DNHD1: variants seen among roughly 807,000 people sequenced by gnomAD.
The protein encoded by DNHD1 is dynein heavy chain domain 1, also known as dynein heavy chain domain-containing protein 1.
A neutral mutation model predicts 458.1 loss-of-function variants in DNHD1; 383 were observed. That is an observed-to-expected ratio of 0.84 (90% CI 0.77 to 0.91). The LOEUF is 0.91. Among genes scored for constraint, DNHD1 ranks in the 40% least tolerant of loss-of-function variants. The pLI, the probability that DNHD1 is intolerant of heterozygous loss-of-function variation, is 0.00. For synonymous variants in DNHD1, 2,203 were observed against 2,376.9 expected, an observed-to-expected ratio of 0.93 and a Z score of 2.13; for missense variants, 5,336 against 5,866.1, an observed-to-expected ratio of 0.91 and a Z score of 2.95.
At position 6,528,760 on chromosome 11, in the gene DNHD1, A is replaced by T; in HGVS notation, c.2076A>T (p.Ala692=). 1 of 1,551,738 alleles carries T rather than the reference A, an allele frequency of 6.4e-7. No individual in the cohort carries two copies. The highest frequency in any genetic ancestry group is 2.4e-5 in the East Asian group (1 of 40,920). Residue 692 remains alanine (A), a synonymous_variant, in exon 11 of 43, where the codon GCA becomes GCT. Transcript: ENST00000254579. ...DLDNNPKIQQ[A]LNIQQVLLEG... is the part of the protein sequence containing the mutation. ...ACAACAACCCTAAGATCCAGCAGGC[A>T]CTGAATATACAACAGGTGCTGCTGG...
chr11:6,542,177 C>T (rs932250503), intron 18 of DNHD1, among the ~76,000 whole-genome samples: 5 of 152,150 alleles, frequency 3.3e-5, no homozygotes, highest in African/African-American at 9.7e-5. Flanking sequence ...TTAACATTTG[C>T]ACCAAGATTG....
Position 6,546,164 on chromosome 11 carries a change from A to G in DNHD1, c.5225A>G (p.His1742Arg), listed in dbSNP as rs375705902. The G allele has an allele frequency of 3.2e-6, 5 of 1,550,984 alleles. No individual in the cohort carries two copies. Among genetic ancestry groups the G allele is most frequent in the Non-Finnish European group, 4.4e-6 (5 of 1,146,512 alleles). Residue 1742 changes from histidine to arginine, a missense_variant, in exon 21 of 43, where the codon CAT becomes CGT. Transcript: ENST00000254579. Reference sequence around the variant, plus strand: ...GCCTGGCTGCTGTTGGAGAAAGTTCATCAGCTGCCCCCTGGCTTGCTCTCT... The same window carrying G: ...GCCTGGCTGCTGTTGGAGAAAGTTCGTCAGCTGCCCCCTGGCTTGCTCTCT... Reference protein sequence around the residue: ...GGAWLLLEKVHQLPPGLLSAL... With the variant: ...GGAWLLLEKVRQLPPGLLSAL...
Position 6,548,164 on chromosome 11 carries a change from G to A in DNHD1, c.6906-46G>A, listed in dbSNP as rs944863302. 5.8e-6 allele frequency: 9 copies of A among 1,547,122 alleles called. No homozygotes were observed. Among genetic ancestry groups the A allele is most frequent in the Non-Finnish European group, 7.9e-6 (9 of 1,143,190 alleles). On this transcript the variant is annotated intron_variant, in intron 22 of 42. Transcript: ENST00000254579. The surrounding 1 kb of genome is among the most constrained non-coding windows in gnomAD (Gnocchi z 4.4). ...GTGTGTGAGTGTGTCATAAATGGAA[G>A]TGTTGTAACTGTCTGACGCTTTTGC...
Position 6,546,668 on chromosome 11 carries a change from C to CCCTACTGCATGG in DNHD1, c.5737_5738insATGGCCTACTGC (p.Leu1912_Arg1913insHisGlyLeuLeu), listed in dbSNP as rs2134430793. On this transcript the variant is annotated inframe_insertion, in exon 21 of 43. Transcript: ENST00000254579. ...AGCCTAGCTGCCATTGAGGAGGCTGCCCTACTGCGCTCACCACTGTTTAGC... is the reference window on the plus strand; with the variant it reads ...AGCCTAGCTGCCATTGAGGAGGCTGCCCTACTGCATGGCCTACTGCGCTCACCACTGTTTAGC... 6.4e-7 allele frequency: 1 copy of CCCTACTGCATGG among 1,551,784 alleles called. No individual in the cohort carries two copies. Among genetic ancestry groups the CCCTACTGCATGG allele is most frequent in the East Asian group, 2.4e-5 (1 of 40,910 alleles).
chr11:6,504,173 A>C (rs1852187581), intron 4 of DNHD1: 1 of 152,248 alleles, frequency 6.6e-6, no homozygotes, highest in Non-Finnish European at 1.5e-5. Flanking sequence ...TTACTGATCA[A>C]TTCATTTAAT....
chr11:6,525,190 T>G (rs2134402424), intron 10 of DNHD1, among the ~76,000 whole-genome samples: 1 of 152,342 alleles, frequency 6.6e-6, no homozygotes, highest in South Asian at 2.1e-4. Context: ...GAGAGCTCTG[T>G]GTCTGACTCT....
chr11:6,504,072 T>C (rs1178010906), intron 4 of DNHD1: 2 of 152,254 alleles, frequency 1.3e-5, no homozygotes, highest in East Asian at 3.8e-4. Flanking sequence ...TCTTAAGCAG[T>C]ATCTAATACA....
At chr11:6,521,573 A>T (rs1852604809) in intron 10 of DNHD1, among the ~76,000 whole-genome samples, 1 of 152,216 alleles carries the variant, frequency 6.6e-6, no homozygotes, top group Non-Finnish European at 1.5e-5. Context: ...AAAACAAATA[A>T]TGCAATGTGA....
chr11:6,534,047 G>A lies in DNHD1; in HGVS notation c.2872G>A (p.Gly958Ser), dbSNP rs546249355. 1.7e-5 allele frequency: 27 copies of A among 1,551,510 alleles called. No individual in the cohort carries two copies. The highest frequency in any genetic ancestry group is 4.9e-5 in the East Asian group (2 of 40,902). ...LEGLLAKALS[G>S]PFMDPTQDQR... is the part of the protein sequence containing the mutation. ...AGGCCTGCTTGCGAAGGCCCTCTCCGGTCCCTTTATGGACCCCACACAAGA... is the reference window on the plus strand; with the variant it reads ...AGGCCTGCTTGCGAAGGCCCTCTCCAGTCCCTTTATGGACCCCACACAAGA... Residue 958 changes from glycine to serine, a missense_variant, in exon 14 of 43, where the codon GGT (glycine) becomes AGT (serine). Physicochemically the swap from Gly to Ser is moderately conservative, Grantham distance 56 (BLOSUM62 0). This residue lies in a region of DNHD1 where 3,932 missense variants were observed against 4,365.6 expected (regional missense o/e 0.90). Transcript: ENST00000254579.
At chr11:6,559,451 A>G (rs1425004861) in intron 28 of DNHD1, among the ~76,000 whole-genome samples, 168 bp downstream of exon 28, 2 of 152,192 alleles carry the variant, frequency 1.3e-5, no homozygotes, top group East Asian at 1.9e-4. Flanking sequence ...CTTAGGTTCA[A>G]AAGTTTCCCA....
At chr11:6,513,326 A>G (rs1456532258) in intron 7 of DNHD1, among the ~76,000 whole-genome samples, 2 of 152,174 alleles carry the variant, frequency 1.3e-5, no homozygotes, top group Non-Finnish European at 2.9e-5. Context: ...ATCACGATAG[A>G]GAACATTTCC....
chr11:6,509,110 G>C (rs752685203), intron 5 of DNHD1, 27 bp downstream of exon 5: 3 of 1,614,048 alleles, frequency 1.9e-6, no homozygotes, highest in Non-Finnish European at 2.5e-6. Context: ...ATGTGATTTG[G>C]GGGGAAATGG....
intron 24 of DNHD1, among the ~76,000 whole-genome samples, chr11:6,554,072 G>A (rs557494608): frequency 6.6e-6 from 1 of 152,256 alleles, no homozygotes; most frequent in East Asian, 1.9e-4. Context: ...ACCTACACTA[G>A]TGATGTTAAA....
chr11:6,547,386 A>G lies in DNHD1; in HGVS notation c.6447A>G (p.Gly2149=). Residue 2149 remains glycine, a synonymous_variant, in exon 21 of 43, where the codon GGA becomes GGG. Coordinates refer to ENST00000254579, the MANE Select transcript of DNHD1 (RefSeq NM_144666.3). ...VGCCALVWCG[G]EQTWQCILSA... is the part of the protein sequence containing the mutation. ...GTTGTGCCCTAGTCTGGTGTGGTGG[A>G]GAGCAGACTTGGCAGTGTATACTTA... The G allele has an allele frequency of 6.4e-7, 1 of 1,551,720 alleles. No individual in the cohort carries two copies. The highest frequency in any genetic ancestry group is 8.7e-7 in the Non-Finnish European group (1 of 1,147,000).
At position 6,533,930 on chromosome 11, in the gene DNHD1, A is replaced by G; in HGVS notation, c.2755A>G (p.Lys919Glu). The G allele has an allele frequency of 6.4e-7, 1 of 1,551,240 alleles. No individual in the cohort carries two copies. Residue 919 changes from lysine (K) to glutamate (E), a missense_variant, in exon 14 of 43, where the codon AAA (lysine) becomes GAA (glutamate). Physicochemically the swap from Lys to Glu is moderately conservative, Grantham distance 56. Around this residue, in one of 4 missense-constraint regions of DNHD1, gnomAD observed 3,932 missense variants for 4,365.6 expected, o/e 0.90. Coordinates refer to ENST00000254579, the MANE Select transcript of DNHD1 (RefSeq NM_144666.3). The stretch of plus-strand genomic sequence containing the variant: ...TATGTGGGAGGCATTTCAGTTTGAG[A>G]AAAGCCAGGCTTCAGAGTTCCTGCT... ...LDMWEAFQFE[K>E]SQASEFLLSK...
In DNHD1 at chr11:6,547,612, C is replaced by G. The variant is rs1853251927; in HGVS notation, c.6673C>G (p.His2225Asp). ...AEVTSMARIL[H>D]SLLDLHLRLK... ...AGTTACCAGCATGGCACGCATCTTGCATAGTCTGCTTGACCTCCACCTTCG... is the reference window on the plus strand; with the variant it reads ...AGTTACCAGCATGGCACGCATCTTGGATAGTCTGCTTGACCTCCACCTTCG... The change falls in exon 21 of 43, where the codon CAT becomes GAT. Residue 2225 changes from histidine to aspartate, a missense_variant. His to Asp is a moderately conservative substitution (Grantham distance 81). Around this residue, in one of 4 missense-constraint regions of DNHD1, gnomAD observed 3,932 missense variants for 4,365.6 expected, o/e 0.90. Coordinates refer to ENST00000254579, the MANE Select transcript of DNHD1 (RefSeq NM_144666.3). 1 of 1,542,386 alleles carries G rather than the reference C, an allele frequency of 6.5e-7. No individual in the cohort carries two copies. The highest frequency in any genetic ancestry group is 8.8e-7 in the Non-Finnish European group (1 of 1,139,996).
At chr11:6,520,520 G>T in intron 10 of DNHD1, 1 of 1,382,758 alleles carries the variant, frequency 7.2e-7, no homozygotes, top group Non-Finnish European at 9.4e-7. Flanking sequence ...ATGAGAGGGT[G>T]TATGAAAGAG....
At chr11:6,550,121 C>G (rs1853309416) in intron 24 of DNHD1, among the ~76,000 whole-genome samples, 1 of 152,108 alleles carries the variant, frequency 6.6e-6, no homozygotes, top group Non-Finnish European at 1.5e-5. Flanking sequence ...ACTATGTGCT[C>G]TATGATATGT....
chr11:6,564,896 T>G, intron 32 of DNHD1, 92 bp downstream of exon 32: 1 of 1,099,074 alleles, frequency 9.1e-7, no homozygotes, highest in Non-Finnish European at 1.3e-6. Context: ...ATGAGGACAC[T>G]GTATTTTTGT....
Sources: allele counts gnomAD v4.1 joint callset (sites outside exome capture counted in the v4.1 genomes callset), GRCh38; gene constraint gnomAD v4.1.1; regional missense constraint gnomAD v4.1.1; non-coding constraint Gnocchi (gnomAD v3.1); transcripts MANE v1.5; gene names NCBI Gene and HGNC (gene_info 2026-07-23, HGNC 2026-07-21).